Variants in EMB observed in about 807,000 individuals in gnomAD.
EMB encodes the protein embigin, also known as embigin homolog.
EMB carries 31 observed loss-of-function variants against 41.4 expected under a neutral mutation model. That is an observed-to-expected ratio of 0.75 (90% CI 0.56 to 1.01). The LOEUF (loss-of-function observed/expected upper bound fraction) is 1.01, where lower values mean the gene tolerates loss of function less well. Ranked by LOEUF, EMB falls within the 50% of genes least tolerant of loss-of-function variation. The pLI is 0.00. For synonymous variants in EMB, 137 were observed against 140.4 expected (o/e 0.98, Z 0.17); for missense variants, 379 against 388.3 (o/e 0.98, Z 0.20).
chr5:50,410,910 C>A lies in EMB; in HGVS notation c.439G>T (p.Glu147Ter). 6.2e-7 allele frequency: 1 copy of A among 1,605,410 alleles called. No homozygotes were observed. Among genetic ancestry groups the A allele is most frequent in the Non-Finnish European group, 8.5e-7 (1 of 1,176,752 alleles). The change falls in exon 4 of 9, where the codon GAA becomes TAA. Residue 147 changes from glutamate to a stop codon, truncating the protein, a stop_gained. Transcript: ENST00000303221. LOFTEE classifies it high-confidence loss of function. ...MGSYSCFFRE[E>*]KEQRGTFNFK... Reference sequence around the variant, plus strand: ...TTAAATGTTCCCCTTTGTTCCTTTTCCTCTCGAAAGAAACAAGAATAACTT... The same window carrying A: ...TTAAATGTTCCCCTTTGTTCCTTTTACTCTCGAAAGAAACAAGAATAACTT...
chr5:50,440,953 G>A, intron 1 of EMB, 87 bp downstream of exon 1: 5 of 989,908 alleles, frequency 5.1e-6, no homozygotes, highest in Admixed American at 8.5e-5. Context: ...ACCCTTGCCC[G>A]GCGCGCCGGC....
intron 1 of EMB, among the ~76,000 whole-genome samples, chr5:50,440,482 G>C (rs182518405): frequency 3.1e-4 from 43 of 139,878 alleles, no homozygotes; most frequent in Admixed American, 4.7e-4. Flanking sequence ...GCGGTGAGCC[G>C]AGATCACGCC....
rs1279987010 is a variant in EMB at position 50,398,988 on chromosome 5, C to A, written c.*285G>T. 4 of 248,046 alleles carry A rather than the reference C, an allele frequency of 1.6e-5. No homozygotes were observed. Among genetic ancestry groups the A allele is most frequent in the Non-Finnish European group, 3.1e-5 (4 of 128,154 alleles). 15.4% of individuals were successfully genotyped at this position (248,046 alleles called of 1,614,324 possible). ...TTCTATGAAGTATTAAGTGATTCTG[C>A]TGATATCTGTTCTGTGTGTCCTTTG... On this transcript the variant is annotated 3_prime_UTR_variant, in exon 9 of 9. Coordinates refer to ENST00000303221, the MANE Select transcript of EMB (RefSeq NM_198449.3).
chr5:50,411,564 C>G, intron 2 of EMB, 181 bp from the exon 3 acceptor site: 1 of 466,842 alleles, frequency 2.1e-6, no homozygotes, highest in Non-Finnish European at 3.8e-6. Context: ...ATATGCACAC[C>G]TAAAGAAAAG....
chr5:50,402,153 TC>T (rs1276596824), intron 7 of EMB, 132 bp downstream of exon 7: 32 of 896,554 alleles, frequency 3.6e-5, no homozygotes, highest in Non-Finnish European at 5.1e-5. Context: ...AAAGCCACTT[TC>T]CACCACCACG....
At chr5:50,427,710 T>C (rs1447305595) in intron 2 of EMB, among the ~76,000 whole-genome samples, 4 of 152,108 alleles carry the variant, frequency 2.6e-5, no homozygotes, top group Non-Finnish European at 5.9e-5. Context: ...GGTTTTGCCA[T>C]GTTGGAGTTC....
chr5:50,421,289 A>G (rs1745518063), intron 2 of EMB, among the ~76,000 whole-genome samples: 1 of 146,862 alleles, frequency 6.8e-6, no homozygotes. Flanking sequence ...AAGACACATG[A>G]AAAAATGCTC....
At chr5:50,415,185 G>C (rs1745409330) in intron 2 of EMB, among the ~76,000 whole-genome samples, 1 of 152,060 alleles carries the variant, frequency 6.6e-6, no homozygotes, top group Admixed American at 6.6e-5. Flanking sequence ...AATTTGCCCA[G>C]TTTTATCCAA....
At chr5:50,427,491 TTATTATTATTATTATTA>T (rs1411694083) in intron 2 of EMB, among the ~76,000 whole-genome samples, 1 of 139,232 alleles carries the variant, frequency 7.2e-6, no homozygotes, top group Non-Finnish European at 1.5e-5. Flanking sequence ...AATGAAGACA[TTATTATTATTATTATTA>T]TATTATTATT....
chr5:50,410,721 T>G (rs1358177224), intron 4 of EMB, among the ~76,000 whole-genome samples, 156 bp downstream of exon 4: 3 of 152,146 alleles, frequency 2.0e-5, no homozygotes, highest in Non-Finnish European at 4.4e-5. Flanking sequence ...ACAAGACCAT[T>G]TTCAAGGCTG....
intron 4 of EMB, among the ~76,000 whole-genome samples, chr5:50,408,325 C>A (rs1433615845): frequency 6.6e-6 from 1 of 152,034 alleles, no homozygotes; most frequent in South Asian, 2.1e-4. Flanking sequence ...CACTATAGAC[C>A]ATCACTCATC....
At chr5:50,424,698 G>A (rs1405386029) in intron 2 of EMB, among the ~76,000 whole-genome samples, 2 of 152,154 alleles carry the variant, frequency 1.3e-5, no homozygotes, top group African/African-American at 4.8e-5. Flanking sequence ...CCCAGGGAAT[G>A]TTTGACAATA....
rs1745238785 is a variant in EMB at position 50,405,794 on chromosome 5, G to GTTAGTAGTAATAATA, written c.530_531insTATTATTACTACTAA (p.Val177_Leu178insIleIleThrThrAsn). 6.2e-7 allele frequency: 1 copy of GTTAGTAGTAATAATA among 1,606,224 alleles called. No individual in the cohort carries two copies. The highest frequency in any genetic ancestry group is 8.5e-7 in the Non-Finnish European group (1 of 1,176,468). ...AACAATTTTGACATTTACATGTCAA[G>GTTAGTAGTAATAATA]ACAGTAGAATCCCCTACGTAAGAGA... On this transcript the variant is annotated inframe_insertion, in exon 5 of 9. Transcript: ENST00000303221.
intron 6 of EMB, among the ~76,000 whole-genome samples, 161 bp from the exon 7 acceptor site, chr5:50,402,480 A>G (rs1745180249): frequency 1.3e-5 from 2 of 151,982 alleles, no homozygotes; most frequent in Non-Finnish European, 2.9e-5. Flanking sequence ...CACCTCCTTT[A>G]TCTGCACTAC....
intron 1 of EMB, among the ~76,000 whole-genome samples, chr5:50,431,408 A>T (rs1232457719): frequency 6.6e-6 from 1 of 152,180 alleles, no homozygotes; most frequent in Non-Finnish European, 1.5e-5. Flanking sequence ...TGGGGTTTAA[A>T]GGAAATTGGC....
At chr5:50,424,057 T>C (rs1745568971) in intron 2 of EMB, among the ~76,000 whole-genome samples, 1 of 152,174 alleles carries the variant, frequency 6.6e-6, no homozygotes, top group Non-Finnish European at 1.5e-5. Context: ...ACTCAAGGCC[T>C]TGTTTTTTAT....
At chr5:50,421,247 C>T (rs1745517039) in intron 2 of EMB, among the ~76,000 whole-genome samples, 1 of 152,118 alleles carries the variant, frequency 6.6e-6, no homozygotes. Flanking sequence ...TATGAACAGA[C>T]ACTTCTCAAA....
At chr5:50,416,350 CTAAA>C (rs1283448320) in intron 2 of EMB, among the ~76,000 whole-genome samples, 1 of 152,144 alleles carries the variant, frequency 6.6e-6, no homozygotes, top group Non-Finnish European at 1.5e-5. Flanking sequence ...TTATACCTGT[CTAAA>C]TAATTTCTTA....
At chr5:50,437,350 G>A (rs1229712533) in intron 1 of EMB, among the ~76,000 whole-genome samples, 1 of 152,074 alleles carries the variant, frequency 6.6e-6, no homozygotes, top group African/African-American at 2.4e-5. Flanking sequence ...ACAGATTTTG[G>A]TCTTTGATCA....
Sources: gnomAD v4.1 joint callset for allele counts (sites outside exome capture counted in the v4.1 genomes callset) on GRCh38, gnomAD v4.1.1 for gene constraint, MANE v1.5 for transcripts, NCBI Gene and HGNC (gene_info 2026-07-23, HGNC 2026-07-21) for gene names.